The following OSBPL2 variants were observed in gnomAD, a reference collection of about 807,000 sequenced individuals.
The protein encoded by OSBPL2 is oxysterol-binding protein-related protein 2.
In OSBPL2, 18 loss-of-function variants were observed where a neutral mutation model predicts 58.4. That is an observed-to-expected ratio of 0.31 (90% confidence interval 0.21 to 0.46). The LOEUF is 0.46. Among genes scored for constraint, OSBPL2 ranks in the 20% least tolerant of loss-of-function variants. OSBPL2 has a pLI of 1.00. For synonymous variants in OSBPL2, 221 were observed against 234.1 expected, an observed-to-expected ratio of 0.94 and a Z score of 0.51; for missense variants, 461 against 616.5, an observed-to-expected ratio of 0.75 and a Z score of 2.67.
intron 1 of OSBPL2, among the ~76,000 whole-genome samples, chr20:62,249,722 G>T (rs960472963): frequency 3.9e-5 from 6 of 152,150 alleles, no homozygotes; most frequent in African/African-American, 1.4e-4. Flanking sequence ...TTACAGGCAT[G>T]GGCCACCACG....
At chr20:62,247,355 A>G (rs1980191908) in intron 1 of OSBPL2, among the ~76,000 whole-genome samples, 2 of 152,160 alleles carry the variant, frequency 1.3e-5, no homozygotes, top group Non-Finnish European at 2.9e-5. Flanking sequence ...GTGGAGCAGA[A>G]CCAGGCCTGT....
chr20:62,273,392 G>A lies in OSBPL2; in HGVS notation c.477G>A (p.Thr159=), dbSNP rs991484658. 8.1e-6 allele frequency: 13 copies of A among 1,600,262 alleles called. No homozygotes were observed. In the African/African-American group the frequency reaches 9.5e-5, roughly 12 times the overall value. The change falls in exon 6 of 14, where the codon ACG becomes ACA. Residue 159 remains threonine (T), a synonymous_variant. Coordinates refer to ENST00000313733, the MANE Select transcript of OSBPL2 (RefSeq NM_144498.4). ...GKPFNPLLGE[T]YELIREDLGF... The stretch of plus-strand genomic sequence containing the variant: ...CATTTAATCCACTCTTGGGAGAAAC[G>A]TATGAATTAATCAGGTAAGGGGGGA...
At chr20:62,270,313 C>G (rs1981974300) in intron 4 of OSBPL2, among the ~76,000 whole-genome samples, 1 of 151,800 alleles carries the variant, frequency 6.6e-6, no homozygotes, top group Non-Finnish European at 1.5e-5. Flanking sequence ...CCTCCACTCC[C>G]TCCTGGCCTC....
intron 4 of OSBPL2, among the ~76,000 whole-genome samples, chr20:62,268,772 A>T (rs1422080395): frequency 6.6e-6 from 1 of 152,092 alleles, no homozygotes; most frequent in African/African-American, 2.4e-5. Context: ...GCTACTTTTA[A>T]AAAATTTTTT....
chr20:62,239,694 A>AGGAGCCCCG (rs1979590789), intron 1 of OSBPL2, among the ~76,000 whole-genome samples: 1 of 152,140 alleles, frequency 6.6e-6, no homozygotes, highest in Admixed American at 6.6e-5. Flanking sequence ...CGGAGAGTTG[A>AGGAGCCCCG]GGAGCCCGGA....
chr20:62,285,785 T>G (rs1487713983), intron 10 of OSBPL2: 1 of 153,044 alleles, frequency 6.5e-6, no homozygotes, highest in Non-Finnish European at 1.5e-5. Flanking sequence ...GAAACACGCC[T>G]GGCCACTGAC....
intron 6 of OSBPL2, among the ~76,000 whole-genome samples, chr20:62,276,953 A>G (rs1411493528): frequency 2.6e-5 from 4 of 152,342 alleles, no homozygotes; most frequent in South Asian, 2.1e-4. Context: ...AAATGTCTTG[A>G]AAAAGATAAA....
chr20:62,272,586 CCATGTGTGTG>C (rs1466239259), intron 5 of OSBPL2, among the ~76,000 whole-genome samples: 1 of 152,244 alleles, frequency 6.6e-6, no homozygotes, highest in Non-Finnish European at 1.5e-5. Flanking sequence ...CCACCGCACC[CCATGTGTGTG>C]CATGTGTGTG....
In OSBPL2 at chr20:62,279,749, C is replaced by T. The variant is rs148105603; in HGVS notation, c.674+410C>T. The stretch of plus-strand genomic sequence containing the variant: ...CTGAGGGCCGGGGACCGTGAGGTTG[C>T]GGTGGCAATGAGGGTTGGGTTGCCC... On this transcript the variant is annotated intron_variant, in intron 7 of 13. Transcript: ENST00000313733. Among the ~76,000 whole-genome samples the T allele has an allele frequency of 7.5e-4, 114 of 152,326 alleles. No individual in the cohort carries two copies. The East Asian group carries it at 0.012, about 16-fold the overall frequency.
At chr20:62,243,439 CCCTGCCCCGCAGCGCCTGCCCCGCAGCG>C (rs1289444077) in intron 1 of OSBPL2, among the ~76,000 whole-genome samples, 3 of 142,468 alleles carry the variant, frequency 2.1e-5, no homozygotes, top group South Asian at 4.3e-4. Flanking sequence ...GCCCCGCAGC[CCCTGCCCCGCAGCGCCTGCCCCGCAGCG>C]CCTGCCCGGC....
At chr20:62,273,205 A>G in intron 5 of OSBPL2, 104 bp from the exon 6 acceptor site, 1 of 859,718 alleles carries the variant, frequency 1.2e-6, no homozygotes. Context: ...CACGGAACAA[A>G]TAGTGACAGA....
At chr20:62,249,295 C>G (rs1019055318) in intron 1 of OSBPL2, among the ~76,000 whole-genome samples, 1 of 152,096 alleles carries the variant, frequency 6.6e-6, no homozygotes, top group African/African-American at 2.4e-5. Flanking sequence ...AGACTCAGGC[C>G]CCAGGGTTTT....
rs751558741 is a variant in OSBPL2, at chr20:62,273,292, C to CT, written c.394-17_394-16insT. ...CTAACTGAAGCTGTGCCTGTCCCCC[C>CT]CGTGGATTATTTACAGTCTGTGGCT... On this transcript the variant is annotated splice_polypyrimidine_tract_variant and intron_variant, in intron 5 of 13. Coordinates refer to ENST00000313733, the MANE Select transcript of OSBPL2 (RefSeq NM_144498.4). The CT allele has an allele frequency of 6.2e-7, 1 of 1,601,770 alleles. No individual in the cohort carries two copies.
intron 4 of OSBPL2, among the ~76,000 whole-genome samples, chr20:62,268,714 A>G (rs1449666416): frequency 6.6e-6 from 1 of 152,038 alleles, no homozygotes; most frequent in Admixed American, 6.5e-5. Flanking sequence ...AACCTCCCAC[A>G]TGAGCCTCTG....
At chr20:62,247,471 C>A (rs1387343793) in intron 1 of OSBPL2, among the ~76,000 whole-genome samples, 5 of 152,202 alleles carry the variant, frequency 3.3e-5, no homozygotes, top group African/African-American at 9.6e-5. Context: ...GACTGAGGGA[C>A]TGTAGCTCCC....
rs577397048 is a variant in OSBPL2 at position 62,279,720 on chromosome 20, G to A, written c.674+381G>A. Among the ~76,000 whole-genome samples the A allele has an allele frequency of 5.3e-5, 8 of 152,372 alleles. No homozygotes were observed. In the East Asian group the frequency reaches 1.2e-3, roughly 22 times the overall value. On this transcript the variant is annotated intron_variant, in intron 7 of 13. Transcript: ENST00000313733. ...AGCAGCTTCCACACCAGGCTGGCAGGTGTCTGAGGGCCGGGGACCGTGAGG... is the reference window on the plus strand; with the variant it reads ...AGCAGCTTCCACACCAGGCTGGCAGATGTCTGAGGGCCGGGGACCGTGAGG...
intron 12 of OSBPL2, among the ~76,000 whole-genome samples, chr20:62,289,964 GTTATTA>G (rs1343131992): frequency 6.6e-6 from 1 of 152,280 alleles, no homozygotes; most frequent in Non-Finnish European, 1.5e-5. Flanking sequence ...TTCCTAATTT[GTTATTA>G]TTAAATTAAA....
intron 1 of OSBPL2, among the ~76,000 whole-genome samples, chr20:62,249,084 G>A (rs1980349866): frequency 6.6e-6 from 1 of 152,168 alleles, no homozygotes; most frequent in Non-Finnish European, 1.5e-5. Flanking sequence ...GATCCTGGTG[G>A]GACGGGGACA....
rs1166010523 is a variant in OSBPL2, at chr20:62,286,719, T to A, written c.1125+8T>A. ...CCCCCCAACTCTGCCCAGGTCTGTG[T>A]CCCTCCATGGCCTGACGTCTCTGCC... On this transcript the variant is annotated splice_region_variant and intron_variant, in intron 11 of 13. Coordinates refer to ENST00000313733, the MANE Select transcript of OSBPL2 (RefSeq NM_144498.4). 3 of 1,608,032 alleles carry A rather than the reference T, an allele frequency of 1.9e-6. No homozygotes were observed. In the South Asian group the frequency reaches 3.3e-5, roughly 18 times the overall value.
Sources: gnomAD v4.1 joint callset for allele counts (sites outside exome capture counted in the v4.1 genomes callset) on GRCh38, gnomAD v4.1.1 for gene constraint, MANE v1.5 for transcripts, NCBI Gene and HGNC (gene_info 2026-07-23, HGNC 2026-07-21) for gene names.